The following CNBD1 variants were observed in gnomAD, a reference collection of about 807,000 sequenced individuals.
The protein encoded by CNBD1 is cyclic nucleotide-binding domain-containing protein 1.
CNBD1 carries 71 observed loss-of-function variants against 54.4 expected under a neutral mutation model. The ratio of observed to expected loss-of-function variants is 1.30; its 90% CI spans 1.08 to 1.59. The LOEUF (loss-of-function observed/expected upper bound fraction) is 1.59, where lower values mean the gene tolerates loss of function less well. CNBD1 is among the 40% of genes most tolerant of loss of function. CNBD1 has a pLI of 0.00. For synonymous variants in CNBD1, 182 were observed against 170.7 expected, an observed-to-expected ratio of 1.07 and a Z score of -0.51; for missense variants, 659 against 518.0, an observed-to-expected ratio of 1.27 and a Z score of -2.64.
At chr8:87,165,283 T>A (rs956468319) in intron 4 of CNBD1, among the ~76,000 whole-genome samples, 5 of 151,946 alleles carry the variant, frequency 3.3e-5, no homozygotes, top group Non-Finnish European at 7.4e-5. Context: ...ATTTGGTCTG[T>A]AATGTTCAAA....
chr8:86,884,315 G>A (rs545317290), intron 1 of CNBD1, among the ~76,000 whole-genome samples: 2 of 152,076 alleles, frequency 1.3e-5, no homozygotes, highest in East Asian at 1.9e-4. Flanking sequence ...AGGCCCACTT[G>A]GGAATTGTCT....
At chr8:87,273,323 T>C (rs1488815658) in intron 6 of CNBD1, among the ~76,000 whole-genome samples, 1 of 152,012 alleles carries the variant, frequency 6.6e-6, no homozygotes, top group African/African-American at 2.4e-5. Context: ...TGTTGGAATT[T>C]AGTTAATAAC....
intron 2 of CNBD1, among the ~76,000 whole-genome samples, chr8:87,409,774 G>C (rs1807709212): frequency 6.6e-6 from 1 of 152,054 alleles, no homozygotes; most frequent in Non-Finnish European, 1.5e-5. Flanking sequence ...TGTAATCCTA[G>C]CACTTTGGGA....
At chr8:87,424,306 GC>G (rs1459485652) in intron 2 of CNBD1, among the ~76,000 whole-genome samples, 1 of 151,816 alleles carries the variant, frequency 6.6e-6, no homozygotes, top group Non-Finnish European at 1.5e-5. Context: ...GTTACTTCTT[GC>G]CTTCTGCTAG....
chr8:87,046,853 G>A (rs552511455), intron 4 of CNBD1, among the ~76,000 whole-genome samples: 42 of 152,128 alleles, frequency 2.8e-4, no homozygotes, highest in Non-Finnish European at 5.9e-4. Flanking sequence ...TCTCCTTTTC[G>A]CCCACTAGTG....
intron 4 of CNBD1, among the ~76,000 whole-genome samples, chr8:87,040,186 G>A (rs73281234): frequency 2.0e-5 from 3 of 152,240 alleles, no homozygotes; most frequent in East Asian, 3.9e-4. Flanking sequence ...AGGAAGGGGG[G>A]TTTTTTGAGA....
chr8:87,065,270 T>C (rs1810625991), intron 4 of CNBD1, among the ~76,000 whole-genome samples: 1 of 152,028 alleles, frequency 6.6e-6, no homozygotes, highest in African/African-American at 2.4e-5. Flanking sequence ...TGTCTGTTTT[T>C]CTGTTGTTTT....
chr8:87,061,721 A>G (rs898800594), intron 4 of CNBD1, among the ~76,000 whole-genome samples: 2 of 152,216 alleles, frequency 1.3e-5, no homozygotes, highest in Admixed American at 6.5e-5. Context: ...TTCAAAGAAT[A>G]TGAAAATTGT....
At chr8:86,880,205 A>G (rs1808584432) in intron 1 of CNBD1, among the ~76,000 whole-genome samples, 1 of 135,594 alleles carries the variant, frequency 7.4e-6, no homozygotes, top group Non-Finnish European at 1.6e-5. Context: ...TACATGTCAC[A>G]CAGCCCTACT....
chr8:87,351,866 G>A, intron 9 of CNBD1, 72 bp downstream of exon 9: 2 of 1,264,528 alleles, frequency 1.6e-6, no homozygotes, highest in East Asian at 3.2e-5. Flanking sequence ...ACCTTTTCAT[G>A]TACTTACTAG....
Position 87,023,149 on chromosome 8 carries a change from G to A in CNBD1, c.431+83395G>A, listed in dbSNP as rs528140795. Among the ~76,000 whole-genome samples, 14 of 152,200 alleles carry A rather than the reference G, an allele frequency of 9.2e-5. No individual in the cohort carries two copies. The East Asian group carries it at 2.7e-3, about 29-fold the overall frequency. On this transcript the variant is annotated intron_variant, in intron 4 of 10. Transcript: ENST00000518476. The stretch of plus-strand genomic sequence containing the variant: ...CCTCATATGCTCCTTCTTTTTGACA[G>A]AATTTATACTAATGTTCATGACTTC...
intron 4 of CNBD1, among the ~76,000 whole-genome samples, chr8:87,033,063 ATG>A (rs61198780): frequency 0.03 from 4,565 of 152,224 alleles, 235 homozygotes; most frequent in African/African-American, 0.1. Flanking sequence ...ATCTGTACAC[ATG>A]TTTTTCCAGC....
intron 10 of CNBD1, among the ~76,000 whole-genome samples, chr8:87,366,206 C>T (rs4531075): frequency 2.0e-5 from 3 of 151,938 alleles, no homozygotes; most frequent in Admixed American, 2.0e-4. Flanking sequence ...CAACTGCGTT[C>T]TATTCTTAGA....
At chr8:87,297,305 A>G (rs1479152847) in intron 8 of CNBD1, among the ~76,000 whole-genome samples, 1 of 151,794 alleles carries the variant, frequency 6.6e-6, no homozygotes, top group Non-Finnish European at 1.5e-5. Context: ...TTTCATATTA[A>G]GTCTTCAAAA....
intron 3 of CNBD1, among the ~76,000 whole-genome samples, chr8:86,932,431 G>A (rs972964903): frequency 6.6e-6 from 1 of 152,122 alleles, no homozygotes; most frequent in African/African-American, 2.4e-5. Flanking sequence ...ATTAGAGGAG[G>A]CTTATCACTA....
At chr8:87,209,878 T>C (rs1411575138) in intron 5 of CNBD1, among the ~76,000 whole-genome samples, 1 of 152,194 alleles carries the variant, frequency 6.6e-6, no homozygotes, top group Non-Finnish European at 1.5e-5. Context: ...TTGAATTGCA[T>C]TGCCCATAAT....
intron 3 of CNBD1, 129 bp from the exon 4 acceptor site, chr8:86,939,467 A>T: frequency 1.9e-6 from 1 of 532,202 alleles, no homozygotes; most frequent in Non-Finnish European, 3.3e-6. Context: ...GCATTTAAAA[A>T]GAATATGTTC....
intron 4 of CNBD1, among the ~76,000 whole-genome samples, chr8:87,110,312 A>G (rs1375058440): frequency 6.6e-6 from 1 of 152,174 alleles, no homozygotes; most frequent in Non-Finnish European, 1.5e-5. Context: ...AGTGACCTCT[A>G]CACATTGAAT....
chr8:87,338,410 G>C (rs916413049), intron 8 of CNBD1, among the ~76,000 whole-genome samples: 1 of 151,896 alleles, frequency 6.6e-6, no homozygotes, highest in Non-Finnish European at 1.5e-5. Flanking sequence ...TTGTTTCCTC[G>C]TTACTTTTGA....
Sources: gnomAD v4.1 joint callset for allele counts (sites outside exome capture counted in the v4.1 genomes callset) on GRCh38, gnomAD v4.1.1 for gene constraint, MANE v1.5 for transcripts, NCBI Gene and HGNC (gene_info 2026-07-23, HGNC 2026-07-21) for gene names.